Variants in NKAIN2 observed in about 807,000 individuals in gnomAD.
NKAIN2 encodes sodium/potassium transporting ATPase interacting 2.
Under a neutral mutation model 32.6 loss-of-function variants are expected in NKAIN2, and 14 were observed. The observed-to-expected ratio is 0.43, with a 90% CI of 0.28 to 0.67. NKAIN2 has a LOEUF of 0.67. Among genes scored for constraint, NKAIN2 ranks in the 30% least tolerant of loss-of-function variants. The pLI is 0.17. For synonymous variants in NKAIN2, 80 were observed against 87.2 expected (o/e 0.92, Z 0.46); for missense variants, 198 against 258.3 (o/e 0.77, Z 1.60).
rs943021123 is a variant in NKAIN2 at position 124,454,115 on chromosome 6, G to T, written c.273+98768G>T. Among the ~76,000 whole-genome samples, 246 of 138,492 alleles carry T rather than the reference G, an allele frequency of 1.8e-3. 3 individuals are homozygous for T. The highest frequency in any genetic ancestry group is 2.9e-3 in the Non-Finnish European group (183 of 63,436). 90.9% of individuals were successfully genotyped at this position (138,492 alleles called of 152,430 possible). A position where few individuals can be genotyped will look rare whatever the true frequency, so the allele number is the denominator to read the frequency against. On this transcript the variant is annotated intron_variant, in intron 3 of 6. Transcript: ENST00000368417. ...TGTTGGGTTTTTTTTTTGGGGGGGG[G>T]GGTTGCTGGTTTATTTGCTTTTGTG...
intron 1 of NKAIN2, among the ~76,000 whole-genome samples, chr6:124,060,246 G>A (rs1456275385): frequency 6.6e-6 from 1 of 152,170 alleles, no homozygotes; most frequent in Non-Finnish European, 1.5e-5. Flanking sequence ...GCCTATGCCA[G>A]TCACAGGTGT....
At chr6:124,363,778 A>G (rs916372914) in intron 3 of NKAIN2, among the ~76,000 whole-genome samples, 1 of 152,224 alleles carries the variant, frequency 6.6e-6, no homozygotes, top group Non-Finnish European at 1.5e-5. Flanking sequence ...GAGAGAAAAG[A>G]GAAACATCTT....
intron 3 of NKAIN2, among the ~76,000 whole-genome samples, chr6:124,447,154 T>C (rs1775925832): frequency 6.6e-6 from 1 of 152,114 alleles, no homozygotes; most frequent in Admixed American, 6.6e-5. Flanking sequence ...ATCACTCATG[T>C]TTGACGTATT....
intron 3 of NKAIN2, among the ~76,000 whole-genome samples, chr6:124,559,470 C>T (rs1328847706): frequency 6.6e-6 from 1 of 152,160 alleles, no homozygotes; most frequent in African/African-American, 2.4e-5. Flanking sequence ...CTCAACTACG[C>T]ACTTCTCAAC....
rs562137929 is a variant in NKAIN2, at chr6:123,866,402, C to A, written c.54+62148C>A. 5.9e-5 allele frequency among the ~76,000 whole-genome samples: 9 copies of A among 152,286 alleles called. 1 individual carries two copies. In the South Asian group the frequency reaches 1.9e-3, roughly 32 times the overall value. Reference sequence around the variant, plus strand: ...ATTTCGAAGGTTCTAAGGAAACAAGCTAGGATTTTCATTAGCAAACATAAT... The same window carrying A: ...ATTTCGAAGGTTCTAAGGAAACAAGATAGGATTTTCATTAGCAAACATAAT... On this transcript the variant is annotated intron_variant, in intron 1 of 6. Coordinates refer to ENST00000368417, the MANE Select transcript of NKAIN2 (RefSeq NM_001040214.3).
intron 2 of NKAIN2, among the ~76,000 whole-genome samples, chr6:124,308,102 G>T (rs1489684380): frequency 6.6e-6 from 1 of 151,982 alleles, no homozygotes; most frequent in South Asian, 2.1e-4. Context: ...TTTAAGCCCC[G>T]CATGCATTAG....
intron 4 of NKAIN2, among the ~76,000 whole-genome samples, chr6:124,729,326 C>T (rs369125771): frequency 1.2e-4 from 18 of 149,832 alleles, no homozygotes; most frequent in Middle Eastern, 3.4e-3. Flanking sequence ...ACTGGCAAAC[C>T]GAATCCAGCA....
intron 4 of NKAIN2, among the ~76,000 whole-genome samples, chr6:124,697,130 T>A (rs1774535563): frequency 6.6e-6 from 1 of 152,140 alleles, no homozygotes; most frequent in African/African-American, 2.4e-5. Flanking sequence ...AAGTGCAGTA[T>A]AATCATTAAG....
At chr6:123,948,204 A>G (rs1777158440) in intron 1 of NKAIN2, among the ~76,000 whole-genome samples, 1 of 152,064 alleles carries the variant, frequency 6.6e-6, no homozygotes, top group African/African-American at 2.4e-5. Flanking sequence ...TATATTTGCT[A>G]TTGTGAACAG....
intron 4 of NKAIN2, among the ~76,000 whole-genome samples, chr6:124,675,317 C>G (rs560459742): frequency 1.3e-5 from 2 of 152,130 alleles, no homozygotes; most frequent in South Asian, 4.1e-4. Context: ...AAGATGTAAA[C>G]ATCGATGTTC....
intron 5 of NKAIN2, among the ~76,000 whole-genome samples, chr6:124,792,001 C>A (rs529284494): frequency 6.6e-6 from 1 of 152,218 alleles, no homozygotes; most frequent in South Asian, 2.1e-4. Context: ...TACCCTCTTA[C>A]AATCCTCCCA....
intron 1 of NKAIN2, among the ~76,000 whole-genome samples, chr6:123,976,337 A>G: frequency 3.3e-5 from 1 of 30,106 alleles, no homozygotes; most frequent in African/African-American, 1.4e-4. Context: ...TCCCATATAT[A>G]TATATGTTCC....
At chr6:124,120,583 G>A (rs1190478606) in intron 1 of NKAIN2, among the ~76,000 whole-genome samples, 2 of 152,104 alleles carry the variant, frequency 1.3e-5, no homozygotes, top group African/African-American at 2.4e-5. Context: ...GACAACTAAA[G>A]TCTTTTACCC....
intron 1 of NKAIN2, among the ~76,000 whole-genome samples, chr6:124,278,386 A>G (rs1795135512): frequency 6.6e-6 from 1 of 151,938 alleles, no homozygotes; most frequent in African/African-American, 2.4e-5. Flanking sequence ...TATCTTGAAG[A>G]CATTTTACAG....
chr6:124,697,457 CATCT>C (rs1774551981), intron 4 of NKAIN2, among the ~76,000 whole-genome samples: 1 of 152,044 alleles, frequency 6.6e-6, no homozygotes, highest in Admixed American at 6.6e-5. Flanking sequence ...TCATATAAAA[CATCT>C]ATTATTTTTT....
chr6:124,069,725 A>C (rs1160368417), intron 1 of NKAIN2, among the ~76,000 whole-genome samples: 1 of 152,096 alleles, frequency 6.6e-6, no homozygotes, highest in African/African-American at 2.4e-5. Context: ...GATGTTGCTA[A>C]TTTTACTCTT....
intron 1 of NKAIN2, among the ~76,000 whole-genome samples, chr6:123,892,212 G>A (rs976334556): frequency 1.3e-5 from 2 of 152,144 alleles, no homozygotes; most frequent in African/African-American, 4.8e-5. Flanking sequence ...CAAATGTGCA[G>A]TGCCCTTTAA....
chr6:124,127,804 G>A (rs540652700), intron 1 of NKAIN2, among the ~76,000 whole-genome samples: 110 of 152,198 alleles, frequency 7.2e-4, no homozygotes, highest in Non-Finnish European at 1.2e-3. Flanking sequence ...GCCCCATCAG[G>A]AGAGTGAGGA....
At chr6:124,759,657 C>CACACACACACACACACACACACA (rs1562367850) in intron 4 of NKAIN2, among the ~76,000 whole-genome samples, 2 of 75,458 alleles carry the variant, frequency 2.7e-5, no homozygotes, top group East Asian at 3.9e-4. Flanking sequence ...ACACACACAC[C>CACACACACACACACACACACACA]CCCTATCTCC....
Sources: allele counts gnomAD v4.1 joint callset (sites outside exome capture counted in the v4.1 genomes callset), GRCh38; gene constraint gnomAD v4.1.1; transcripts MANE v1.5; gene names NCBI Gene and HGNC (gene_info 2026-07-23, HGNC 2026-07-21).